The following SLC15A4 variants were observed in gnomAD, a reference collection of about 807,000 sequenced individuals.
SLC15A4 encodes hPHT1.
In SLC15A4, 26 loss-of-function variants were observed where a neutral mutation model predicts 46.1. The ratio of observed to expected loss-of-function variants is 0.56; its 90% CI spans 0.41 to 0.78. The LOEUF (loss-of-function observed/expected upper bound fraction) is 0.78. Ranked by LOEUF, SLC15A4 falls within the 30% of genes least tolerant of loss-of-function variation. The pLI is 0.00. For missense variants in SLC15A4, 751 were observed against 755.7 expected (o/e 0.99, Z 0.07); for synonymous variants, 370 against 333.4 (o/e 1.11, Z -1.20).
intron 2 of SLC15A4, among the ~76,000 whole-genome samples, chr12:128,812,406 G>A (rs913239052): frequency 2.0e-5 from 3 of 151,924 alleles, no homozygotes; most frequent in South Asian, 4.2e-4. Flanking sequence ...TGCAAGCTCC[G>A]CCTCCCGGGT....
intron 5 of SLC15A4, among the ~76,000 whole-genome samples, chr12:128,806,888 G>A (rs1201343818): frequency 2.7e-5 from 4 of 148,246 alleles, no homozygotes; most frequent in Non-Finnish European, 6.0e-5. Context: ...GATGTGCTGT[G>A]GATTTTGCTA....
chr12:128,815,614 A>T (rs1039690237), intron 1 of SLC15A4: 3 of 159,190 alleles, frequency 1.9e-5, no homozygotes, highest in Non-Finnish European at 4.2e-5. Context: ...TGAATCCAGG[A>T]CATGGAGGTT....
chr12:128,816,907 AT>A (rs1390826584), intron 1 of SLC15A4, among the ~76,000 whole-genome samples: 1 of 152,226 alleles, frequency 6.6e-6, no homozygotes, highest in Admixed American at 6.5e-5. Context: ...TTTAAACTCT[AT>A]TTTTTAAAGA....
Position 128,794,204 on chromosome 12 carries a change from T to A in SLC15A4, c.1726A>T (p.Arg576Trp). The change falls in exon 8 of 8, where the codon AGG (arginine) becomes TGG (tryptophan). Residue 576 changes from arginine (R) to tryptophan (W), a missense_variant. Physicochemically the swap from Arg to Trp is moderately radical, Grantham distance 101. Coordinates refer to ENST00000266771, the MANE Select transcript of SLC15A4 (RefSeq NM_145648.4). Reference sequence around the variant, plus strand: ...ACATGGCCTCAGGAAGGTCAGGCCCTCCTGCTGGTGGGCACGCCATTGGCT... The same window carrying A: ...ACATGGCCTCAGGAAGGTCAGGCCCACCTGCTGGTGGGCACGCCATTGGCT... ...SRANGVPTSR[R>W]A 6.2e-7 allele frequency: 1 copy of A among 1,611,648 alleles called. No homozygotes were observed. Among genetic ancestry groups the A allele is most frequent in the Non-Finnish European group, 8.5e-7 (1 of 1,178,492 alleles).
chr12:128,821,596 T>C (rs1285541634), intron 1 of SLC15A4, among the ~76,000 whole-genome samples: 1 of 152,166 alleles, frequency 6.6e-6, no homozygotes, highest in African/African-American at 2.4e-5. Context: ...CACTTAAAAA[T>C]GTAAGAACTA....
intron 5 of SLC15A4, 39 bp from the exon 6 acceptor site, chr12:128,801,048 T>A (rs1484503068): frequency 2.0e-6 from 3 of 1,537,754 alleles, no homozygotes; most frequent in African/African-American, 1.4e-5. Flanking sequence ...ATTCATTTAT[T>A]AACATTTACA....
intron 1 of SLC15A4, among the ~76,000 whole-genome samples, chr12:128,820,735 G>C (rs931262670): frequency 6.6e-6 from 1 of 152,232 alleles, no homozygotes; most frequent in African/African-American, 2.4e-5. Flanking sequence ...TAGGTACTTA[G>C]CAAGCACTGT....
intron 7 of SLC15A4, among the ~76,000 whole-genome samples, chr12:128,795,442 T>C (rs1955432254): frequency 6.6e-6 from 1 of 152,158 alleles, no homozygotes; most frequent in African/African-American, 2.4e-5. Flanking sequence ...TCATGGGCCA[T>C]GCAGCTCAAG....
intron 5 of SLC15A4, among the ~76,000 whole-genome samples, chr12:128,808,504 C>T (rs1432192462): frequency 1.3e-5 from 2 of 152,168 alleles, no homozygotes; most frequent in Non-Finnish European, 2.9e-5. Context: ...TAGCCTAATT[C>T]TAAATCAGTA....
At chr12:128,796,181 T>C (rs1955439744) in intron 7 of SLC15A4, among the ~76,000 whole-genome samples, 1 of 152,050 alleles carries the variant, frequency 6.6e-6, no homozygotes, top group African/African-American at 2.4e-5. Flanking sequence ...TCCCAGCACT[T>C]TGGGAGGCCA....
At chr12:128,807,028 G>A (rs921937361) in intron 5 of SLC15A4, among the ~76,000 whole-genome samples, 54 of 145,784 alleles carry the variant, frequency 3.7e-4, no homozygotes, top group South Asian at 9.0e-4. Context: ...TCAACCTCCC[G>A]AGTAGCTGGG....
chr12:128,811,743 T>C (rs1299781120), intron 2 of SLC15A4, among the ~76,000 whole-genome samples: 1 of 152,240 alleles, frequency 6.6e-6, no homozygotes, highest in Non-Finnish European at 1.5e-5. Flanking sequence ...ACTAAAAACA[T>C]TTAAATAACA....
chr12:128,817,386 C>A (rs190778602), intron 1 of SLC15A4, among the ~76,000 whole-genome samples: 1 of 152,060 alleles, frequency 6.6e-6, no homozygotes, highest in African/African-American at 2.4e-5. Context: ...ACTAGAAGTG[C>A]GAAAAAATAA....
At chr12:128,795,293 GAC>G (rs562867610) in intron 7 of SLC15A4, among the ~76,000 whole-genome samples, 7 of 152,104 alleles carry the variant, frequency 4.6e-5, no homozygotes, top group Non-Finnish European at 7.4e-5. Context: ...TCCTCAAACT[GAC>G]ACAAGCAGAT....
rs950828428 is a variant in SLC15A4 at position 128,823,848 on chromosome 12, G to A, written c.96C>T (p.Gly32=). ...GCACGGCCCCGCACGCCGCGCGCCG[G>A]CCCGCGAACGCCCCAGCCGCCGCCG... ...AAAAAAGAFA[G]RRAACGAVLL... is the part of the protein sequence containing the mutation. The change falls in exon 1 of 8, where the codon GGC becomes GGT. Residue 32 remains glycine, a synonymous_variant. Coordinates refer to ENST00000266771, the MANE Select transcript of SLC15A4 (RefSeq NM_145648.4). The A allele has an allele frequency of 7.9e-7, 1 of 1,268,572 alleles. No individual in the cohort carries two copies. Among genetic ancestry groups the A allele is most frequent in the Non-Finnish European group, 1.0e-6 (1 of 992,214 alleles). 78.6% of individuals were successfully genotyped at this position (1,268,572 alleles called of 1,614,324 possible). A position where few individuals can be genotyped will look rare whatever the true frequency, so the allele number is the denominator to read the frequency against.
intron 7 of SLC15A4, 97 bp from the exon 8 acceptor site, chr12:128,794,453 T>C: frequency 8.3e-7 from 1 of 1,203,970 alleles, no homozygotes; most frequent in Non-Finnish European, 1.1e-6. Flanking sequence ...AAGGTTTAAC[T>C]GGAGTCATAA....
chr12:128,800,902 G>A lies in SLC15A4; in HGVS notation c.1366C>T (p.Pro456Ser). ...CTGATCCCAATCAGCAAGTACTGCG[G>A]CACCTGCCACCACAGCGACAGATCG... Reference protein sequence around the residue: ...AADLSLWWQVPQYLLIGISEI... With the variant: ...AADLSLWWQVSQYLLIGISEI... The change falls in exon 6 of 8, where the codon CCG becomes TCG. Residue 456 changes from proline (P) to serine (S), a missense_variant. Coordinates refer to ENST00000266771, the MANE Select transcript of SLC15A4 (RefSeq NM_145648.4). The A allele has an allele frequency of 6.2e-7, 1 of 1,614,070 alleles. No homozygotes were observed. Among genetic ancestry groups the A allele is most frequent in the Non-Finnish European group, 8.5e-7 (1 of 1,180,016 alleles).
chr12:128,823,532 G>A lies in SLC15A4; in HGVS notation c.412C>T (p.Leu138=), dbSNP rs1955882297. Residue 138 remains leucine, a synonymous_variant, in exon 1 of 8, where the codon CTG becomes TTG. Transcript: ENST00000266771. ...TRAALCGSAR[L]LNCTAPGPDA... Reference sequence around the variant, plus strand: ...GGACCAGGCGCCGTGCAGTTGAGCAGGCGCGCGGAACCGCAGAGCGCGGCT... The same window carrying A: ...GGACCAGGCGCCGTGCAGTTGAGCAAGCGCGCGGAACCGCAGAGCGCGGCT... 4.8e-6 allele frequency: 7 copies of A among 1,469,506 alleles called. No individual in the cohort carries two copies. The highest frequency in any genetic ancestry group is 1.5e-5 in the African/African-American group (1 of 67,884). The allele number at this position is 1,469,506 out of a possible 1,614,324, so 91.0% of individuals were successfully genotyped here. A position where few individuals can be genotyped will look rare whatever the true frequency, so the allele number is the denominator to read the frequency against.
chr12:128,818,616 T>G lies in SLC15A4; in HGVS notation c.547-3546A>C, dbSNP rs192254288. On this transcript the variant is annotated intron_variant, in intron 1 of 7. Transcript: ENST00000266771. ...AAGGGTACTTTTCCCTTCAAATGTTTTTTCACTATGATTCACATACCATAA... is the reference window on the plus strand; with the variant it reads ...AAGGGTACTTTTCCCTTCAAATGTTGTTTCACTATGATTCACATACCATAA... Among the ~76,000 whole-genome samples the G allele has an allele frequency of 7.2e-5, 11 of 152,306 alleles. No homozygotes were observed. The East Asian group carries it at 1.9e-3, about 27-fold the overall frequency.
Sources: allele counts gnomAD v4.1 joint callset (sites outside exome capture counted in the v4.1 genomes callset), GRCh38; gene constraint gnomAD v4.1.1; transcripts MANE v1.5; gene names NCBI Gene and HGNC (gene_info 2026-07-23, HGNC 2026-07-21).